The following PDZD2 variants were observed in gnomAD, a reference collection of about 807,000 sequenced individuals.
PDZD2 encodes the protein PDZ domain containing 2.
PDZD2 carries 90 observed loss-of-function variants against 220.7 expected under a neutral mutation model. The ratio of observed to expected loss-of-function variants is 0.41; its 90% CI spans 0.34 to 0.49. The LOEUF (loss-of-function observed/expected upper bound fraction) is 0.49, where lower values mean the gene tolerates loss of function less well. Ranked by LOEUF, PDZD2 falls within the 20% of genes least tolerant of loss-of-function variation. The pLI, the probability that PDZD2 is intolerant of heterozygous loss-of-function variation, is 0.28. For synonymous variants in PDZD2, 1,375 were observed against 1,450.5 expected, an observed-to-expected ratio of 0.95 and a Z score of 1.18; for missense variants, 3,174 against 3,608.5, an observed-to-expected ratio of 0.88 and a Z score of 3.08.
At chr5:31,681,034 A>G (rs1420190664) in intron 1 of PDZD2, among the ~76,000 whole-genome samples, 4 of 152,088 alleles carry the variant, frequency 2.6e-5, no homozygotes, top group African/African-American at 9.7e-5. Flanking sequence ...CTTGTCCTCA[A>G]GTCAACACCT....
At chr5:32,006,844 C>T (rs112299181) in intron 5 of PDZD2, among the ~76,000 whole-genome samples, 2,502 of 150,946 alleles carry the variant, frequency 0.017, 73 homozygotes, top group African/African-American at 0.057. Context: ...CACGTGCCAC[C>T]GCATCTGGCT....
intron 1 of PDZD2, among the ~76,000 whole-genome samples, chr5:31,689,353 A>ATATATATATATTTTTTTTTTTT: frequency 2.8e-5 from 1 of 35,142 alleles, no homozygotes; most frequent in African/African-American, 2.1e-4. Context: ...ATATATATAT[A>ATATATATATATTTTTTTTTTTT]TTTTTTTTTT....
intron 1 of PDZD2, among the ~76,000 whole-genome samples, chr5:31,758,519 A>G (rs898060317): frequency 7.9e-5 from 12 of 152,180 alleles, no homozygotes; most frequent in East Asian, 1.9e-4. Flanking sequence ...AAGCACTAAG[A>G]GGGGAGGAGG....
At chr5:31,643,887 C>T (rs763150294) in intron 1 of PDZD2, among the ~76,000 whole-genome samples, 1 of 151,792 alleles carries the variant, frequency 6.6e-6, no homozygotes, top group Non-Finnish European at 1.5e-5. Flanking sequence ...GGCATGACCA[C>T]GGCTCACAGC....
chr5:31,813,964 T>C (rs1755278562), intron 2 of PDZD2, among the ~76,000 whole-genome samples: 1 of 152,200 alleles, frequency 6.6e-6, no homozygotes, highest in South Asian at 2.1e-4. Flanking sequence ...GCCCAAGAGT[T>C]TGATAACAGC....
intron 1 of PDZD2, among the ~76,000 whole-genome samples, chr5:31,663,602 G>A (rs1745865545): frequency 6.6e-6 from 1 of 152,150 alleles, no homozygotes; most frequent in Non-Finnish European, 1.5e-5. Flanking sequence ...TGGTCTACTT[G>A]GTTAGTTGTT....
intron 1 of PDZD2, among the ~76,000 whole-genome samples, chr5:31,789,223 T>C (rs183815125): frequency 6.6e-6 from 1 of 152,282 alleles, no homozygotes; most frequent in East Asian, 1.9e-4. Flanking sequence ...AGACCCTATA[T>C]GAAAGGAGCC....
chr5:31,944,778 C>T (rs1420726073), intron 2 of PDZD2, among the ~76,000 whole-genome samples: 2 of 152,192 alleles, frequency 1.3e-5, no homozygotes, highest in Admixed American at 1.3e-4. Context: ...GGTGTGCATT[C>T]CCTGGGAAGC....
At chr5:31,903,574 A>G (rs1460102305) in intron 2 of PDZD2, among the ~76,000 whole-genome samples, 1 of 145,332 alleles carries the variant, frequency 6.9e-6, no homozygotes, top group African/African-American at 2.5e-5. Context: ...CCTGAGCCTG[A>G]GAGATGATGC....
chr5:31,712,381 G>A (rs954553235), intron 1 of PDZD2, among the ~76,000 whole-genome samples: 10 of 152,062 alleles, frequency 6.6e-5, no homozygotes, highest in African/African-American at 2.2e-4. Flanking sequence ...TTTTGCTCTT[G>A]GGTCAGAGAC....
chr5:31,999,170 C>T (rs1430076619), intron 4 of PDZD2, among the ~76,000 whole-genome samples: 1 of 151,884 alleles, frequency 6.6e-6, no homozygotes, highest in Non-Finnish European at 1.5e-5. Context: ...TTTGTGTACA[C>T]CGTGTTTGTA....
chr5:31,922,440 G>A (rs1744354898), intron 2 of PDZD2, among the ~76,000 whole-genome samples: 2 of 152,240 alleles, frequency 1.3e-5, no homozygotes, highest in South Asian at 4.2e-4. Context: ...GTAAGCTTAA[G>A]GGTCTGTTTT....
rs149148278 is a variant in PDZD2, at chr5:31,894,862, G to A, written c.477-88293G>A. Among the ~76,000 whole-genome samples the A allele has an allele frequency of 4.1e-3, 619 of 152,162 alleles. 5 individuals are homozygous for A. The highest frequency in any genetic ancestry group is 4.7e-3 in the Non-Finnish European group (320 of 68,004). On this transcript the variant is annotated intron_variant, in intron 2 of 24. Coordinates refer to ENST00000438447, the MANE Select transcript of PDZD2 (RefSeq NM_178140.4). ...TTTGTTACCTCATTTTCTCAATCTT[G>A]TCCCAGTCTTGCTCTCCTTTCCCTT...
chr5:32,087,454 G>T lies in PDZD2; in HGVS notation c.4006G>T (p.Ala1336Ser). Residue 1336 changes from alanine to serine, a missense_variant, in exon 20 of 25, where the codon GCT (alanine) becomes TCT (serine). Transcript: ENST00000438447. This position sits in a 1 kb window ranked among gnomAD's most constrained non-coding sequence, Gnocchi z 4.0. ...ACCTGGAGCAGAGGGAATGACACCA[G>T]CTGGTGCTGTCCTGCCAGGAGACCC... ...AGPGAEGMTP[A>S]GAVLPGDPLT... 6.2e-7 allele frequency: 1 copy of T among 1,614,080 alleles called. No individual in the cohort carries two copies. Among genetic ancestry groups the T allele is most frequent in the Admixed American group, 1.7e-5 (1 of 60,012 alleles).
At chr5:32,064,150 T>C (rs1001341022) in intron 14 of PDZD2, among the ~76,000 whole-genome samples, 1 of 152,224 alleles carries the variant, frequency 6.6e-6, no homozygotes, top group Non-Finnish European at 1.5e-5. Flanking sequence ...AAGCTAACCA[T>C]AGGACACTTC....
chr5:32,100,836 A>C, intron 23 of PDZD2: 1 of 1,451,256 alleles, frequency 6.9e-7, no homozygotes. Flanking sequence ...CTGCTTGGGC[A>C]TAAAAGCATT....
intron 1 of PDZD2, among the ~76,000 whole-genome samples, chr5:31,700,542 C>G (rs1443730730): frequency 6.6e-6 from 1 of 152,152 alleles, no homozygotes. Flanking sequence ...TTGTTCAGGC[C>G]AGGGTTGCCG....
At chr5:31,732,028 A>C (rs1213279430) in intron 1 of PDZD2, among the ~76,000 whole-genome samples, 1 of 152,168 alleles carries the variant, frequency 6.6e-6, no homozygotes. Flanking sequence ...AAATCATGTA[A>C]TCTGTCTTCT....
chr5:31,783,325 C>G (rs997159420), intron 1 of PDZD2, among the ~76,000 whole-genome samples: 1 of 151,874 alleles, frequency 6.6e-6, no homozygotes, highest in African/African-American at 2.4e-5. Flanking sequence ...ATGGAGAGAG[C>G]CTTGGAGAAC....
Sources: gnomAD v4.1 joint callset for allele counts (sites outside exome capture counted in the v4.1 genomes callset) on GRCh38, gnomAD v4.1.1 for gene constraint, Gnocchi (gnomAD v3.1) non-coding constraint, MANE v1.5 for transcripts, NCBI Gene and HGNC (gene_info 2026-07-23, HGNC 2026-07-21) for gene names.